DMD: variants seen among roughly 807,000 people sequenced by gnomAD.
DMD encodes dystrophin.
DMD carries 63 observed loss-of-function variants against 330.1 expected under a neutral mutation model. The observed-to-expected ratio is 0.19, with a 90% CI of 0.16 to 0.24. The LOEUF (loss-of-function observed/expected upper bound fraction) is 0.24. Ranked by LOEUF, DMD falls within the 10% of genes least tolerant of loss-of-function variation. The pLI is 1.00. For missense variants in DMD, 3,344 were observed against 2,684.1 expected (o/e 1.25, Z -5.43); for synonymous variants, 1,223 against 959.8 (o/e 1.27, Z -5.07).
intron 29 of DMD, among the ~76,000 whole-genome samples, chrX:32,428,744 T>C (rs1242056175): frequency 1.8e-5 from 2 of 111,191 alleles, no homozygotes; most frequent in Non-Finnish European, 3.8e-5. Flanking sequence ...CCCAAGCAGC[T>C]GGGACTACAG....
chrX:32,078,172 C>G (rs1041351357), intron 44 of DMD, among the ~76,000 whole-genome samples: 1 of 112,058 alleles, frequency 8.9e-6, no homozygotes, highest in African/African-American at 3.2e-5. Flanking sequence ...AACAAATCTG[C>G]TCTTACTTTA....
chrX:32,410,637 C>G (rs750357965), intron 30 of DMD, among the ~76,000 whole-genome samples: 1 of 111,753 alleles, frequency 8.9e-6, no homozygotes, highest in Non-Finnish European at 1.9e-5. Context: ...CTCATCATAG[C>G]ATGGACTTGG....
intron 7 of DMD, among the ~76,000 whole-genome samples, chrX:32,732,341 G>A (rs1057367320): frequency 8.1e-4 from 90 of 111,112 alleles, no homozygotes; most frequent in African/African-American, 2.9e-3. Flanking sequence ...ACACTCTGCA[G>A]GATATTATCC....
intron 52 of DMD, among the ~76,000 whole-genome samples, chrX:31,680,318 G>A (rs994001100): frequency 5.4e-5 from 6 of 110,915 alleles, no homozygotes; most frequent in African/African-American, 1.6e-4. Flanking sequence ...CCTTTTCCAA[G>A]GGTCTTCTGA....
intron 41 of DMD, among the ~76,000 whole-genome samples, chrX:32,332,362 C>T (rs12007059): frequency 0.015 from 1,656 of 107,511 alleles, 36 homozygotes; most frequent in African/African-American, 0.053. Flanking sequence ...TGAGAACTTT[C>T]CTGGTCATGC....
intron 1 of DMD, among the ~76,000 whole-genome samples, chrX:33,085,525 C>T (rs1480782221): frequency 8.9e-6 from 1 of 111,745 alleles, no homozygotes; most frequent in African/African-American, 3.2e-5. Context: ...AGGGTTGTGA[C>T]AAAATGCATT....
intron 60 of DMD, among the ~76,000 whole-genome samples, chrX:31,399,283 C>T (rs1353995219): frequency 2.7e-5 from 3 of 109,456 alleles, no homozygotes; most frequent in Admixed American, 9.8e-5. Context: ...TGGAGTCTGA[C>T]CATCCACAGC....
chrX:33,060,593 G>T (rs2094570728), intron 1 of DMD, among the ~76,000 whole-genome samples: 1 of 111,369 alleles, frequency 9.0e-6, no homozygotes, highest in Admixed American at 9.5e-5. Flanking sequence ...TGCACTTTAG[G>T]AGGCAGAGGC....
chrX:32,276,061 T>G (rs941723595), intron 43 of DMD, among the ~76,000 whole-genome samples: 7 of 112,133 alleles, frequency 6.2e-5, no homozygotes, highest in African/African-American at 1.9e-4. Context: ...TTTGCACTTT[T>G]GGAAGGGACA....
chrX:32,780,196 G>C (rs2074580358), intron 7 of DMD, among the ~76,000 whole-genome samples: 1 of 111,738 alleles, frequency 8.9e-6, no homozygotes. Flanking sequence ...ATTACCAAGA[G>C]GATTTTTCTA....
intron 11 of DMD, among the ~76,000 whole-genome samples, chrX:32,624,384 A>AT (rs1310369998): frequency 4.5e-5 from 5 of 112,035 alleles, no homozygotes; most frequent in Non-Finnish European, 9.4e-5. Flanking sequence ...CCAATCGTTC[A>AT]GATCATCTGA....
chrX:33,093,791 A>C (rs2095117442), intron 1 of DMD, among the ~76,000 whole-genome samples: 1 of 111,458 alleles, frequency 9.0e-6, no homozygotes, highest in African/African-American at 3.2e-5. Context: ...ATAATAACTA[A>C]GACGTAATCA....
chrX:32,204,745 AG>A (rs1338146971), intron 44 of DMD, among the ~76,000 whole-genome samples: 4 of 110,204 alleles, frequency 3.6e-5, no homozygotes, highest in Non-Finnish European at 5.7e-5. Flanking sequence ...TGAGAGCCTC[AG>A]GAAGTTTACA....
intron 2 of DMD, among the ~76,000 whole-genome samples, chrX:32,866,948 C>A (rs1569536618): frequency 9.0e-6 from 1 of 111,108 alleles, no homozygotes; most frequent in Admixed American, 9.6e-5. Flanking sequence ...ATTGGCCAGG[C>A]CAGTCTCAAA....
At chrX:32,619,987 T>A (rs1422353577) in intron 11 of DMD, among the ~76,000 whole-genome samples, 1 of 111,180 alleles carries the variant, frequency 9.0e-6, no homozygotes, top group Non-Finnish European at 1.9e-5. Flanking sequence ...AGTACCACAA[T>A]CTCTGCTTTC....
At chrX:31,309,962 T>A (rs1350007335) in intron 62 of DMD, among the ~76,000 whole-genome samples, 1 of 111,313 alleles carries the variant, frequency 9.0e-6, no homozygotes, top group African/African-American at 3.3e-5. Context: ...CCAGGCCAGG[T>A]ATACCCTACT....
intron 60 of DMD, among the ~76,000 whole-genome samples, chrX:31,395,400 T>C (rs746195385): frequency 5.3e-5 from 6 of 112,215 alleles, no homozygotes; most frequent in Non-Finnish European, 1.1e-4. Flanking sequence ...ATCCCCTTTG[T>C]TTTCCCTGAC....
intron 1 of DMD, among the ~76,000 whole-genome samples, chrX:33,255,197 A>G (rs2052837000): frequency 9.0e-6 from 1 of 110,983 alleles, no homozygotes; most frequent in African/African-American, 3.2e-5. Flanking sequence ...AAGTCATTCA[A>G]ATCACCTCAT....
At chrX:31,828,774 C>A (rs2092952613) in intron 49 of DMD, among the ~76,000 whole-genome samples, 1 of 110,333 alleles carries the variant, frequency 9.1e-6, no homozygotes, top group African/African-American at 3.3e-5. Context: ...CAGATGGATT[C>A]ACAGCTGAAT....
Sources: allele counts gnomAD v4.1 joint callset (sites outside exome capture counted in the v4.1 genomes callset), GRCh38; gene constraint gnomAD v4.1.1; transcripts MANE v1.5; gene names NCBI Gene and HGNC (gene_info 2026-07-23, HGNC 2026-07-21).